The following TMEM163 variants were observed in gnomAD, a reference collection of about 807,000 sequenced individuals.
TMEM163 encodes the protein transmembrane protein 163.
In TMEM163, 17 loss-of-function variants were observed where a neutral mutation model predicts 29.3. That is an observed-to-expected ratio of 0.58 (90% CI 0.40 to 0.87). The LOEUF (loss-of-function observed/expected upper bound fraction) is 0.87. Ranked by LOEUF, TMEM163 falls within the 40% of genes least tolerant of loss-of-function variation. The probability of loss-of-function intolerance (pLI) is 0.00; values close to 1 mark genes in which losing one functional copy is unlikely to be tolerated. For missense variants in TMEM163, 303 were observed against 381.5 expected (o/e 0.79, Z 1.71); for synonymous variants, 157 against 160.6 (o/e 0.98, Z 0.17).
intron 2 of TMEM163, among the ~76,000 whole-genome samples, chr2:134,580,476 TCA>T (rs1315144799): frequency 6.6e-6 from 1 of 152,224 alleles, no homozygotes; most frequent in Non-Finnish European, 1.5e-5. Flanking sequence ...GTTCAAGAGC[TCA>T]CTGGCTTCCC....
intron 2 of TMEM163, among the ~76,000 whole-genome samples, chr2:134,629,037 T>C (rs1206778068): frequency 6.6e-6 from 1 of 152,244 alleles, no homozygotes; most frequent in African/African-American, 2.4e-5. Flanking sequence ...ACCTTACATC[T>C]TAAAAAGCTA....
At chr2:134,583,880 A>G (rs1681752635) in intron 2 of TMEM163, among the ~76,000 whole-genome samples, 1 of 152,218 alleles carries the variant, frequency 6.6e-6, no homozygotes, top group Middle Eastern at 3.4e-3. Flanking sequence ...ACATTATTGA[A>G]CGCATAACTG....
intron 2 of TMEM163, among the ~76,000 whole-genome samples, chr2:134,657,802 TC>T (rs1230956315): frequency 1.4e-5 from 2 of 145,204 alleles, no homozygotes; most frequent in Non-Finnish European, 3.0e-5. Context: ...AAACTCCATC[TC>T]AAAAATAAAA....
rs534247639 is a variant in TMEM163 at position 134,686,719 on chromosome 2, G to A, written c.322+26481C>T. 5.3e-5 allele frequency among the ~76,000 whole-genome samples: 8 copies of A among 152,340 alleles called. No homozygotes were observed. In the South Asian group the frequency reaches 1.7e-3, roughly 32 times the overall value. The stretch of plus-strand genomic sequence containing the variant: ...AAATTTGGAGGCGTGGAAGTGAAAA[G>A]CTGTGAAGGATCAGAGATTTTACCC... On this transcript the variant is annotated intron_variant, in intron 2 of 7. Coordinates refer to ENST00000281924, the MANE Select transcript of TMEM163 (RefSeq NM_030923.5).
intron 2 of TMEM163, among the ~76,000 whole-genome samples, chr2:134,552,984 G>A (rs1680966863): frequency 6.6e-6 from 1 of 152,174 alleles, no homozygotes; most frequent in Non-Finnish European, 1.5e-5. Flanking sequence ...TAAATTGGAG[G>A]ACGTCAATTG....
chr2:134,530,191 C>T (rs1385542404), intron 4 of TMEM163, among the ~76,000 whole-genome samples: 1 of 152,166 alleles, frequency 6.6e-6, no homozygotes, highest in Non-Finnish European at 1.5e-5. Context: ...CAGAAACAAC[C>T]CATCTTTCAC....
intron 2 of TMEM163, among the ~76,000 whole-genome samples, chr2:134,665,031 G>A (rs1395869784): frequency 6.6e-6 from 1 of 152,022 alleles, no homozygotes; most frequent in African/African-American, 2.4e-5. Flanking sequence ...GCACCACCAT[G>A]CCCAGCCTAA....
At chr2:134,649,198 A>G (rs2104846128) in intron 2 of TMEM163, among the ~76,000 whole-genome samples, 1 of 152,350 alleles carries the variant, frequency 6.6e-6, no homozygotes, top group Admixed American at 6.5e-5. Flanking sequence ...TATCAAACTC[A>G]CTAAAAAATC....
At chr2:134,619,965 C>T (rs1347353817) in intron 2 of TMEM163, among the ~76,000 whole-genome samples, 1 of 151,920 alleles carries the variant, frequency 6.6e-6, no homozygotes, top group Admixed American at 6.6e-5. Flanking sequence ...CACTTAGAAG[C>T]AAAATTAATA....
Position 134,574,079 on chromosome 2 carries a change from A to G in TMEM163, c.323-21988T>C, listed in dbSNP as rs1025720422. Among the ~76,000 whole-genome samples the G allele has an allele frequency of 1.2e-4, 19 of 152,250 alleles. 1 individual carries two copies. Among genetic ancestry groups the G allele is most frequent in the Admixed American group, 1.2e-3 (18 of 15,290 alleles). ...AAATTTTAGAAACCACTGTGAAAAC[A>G]CTGGGAAATCAAGATAGCAATTAGG... On this transcript the variant is annotated intron_variant, in intron 2 of 7. Coordinates refer to ENST00000281924, the MANE Select transcript of TMEM163 (RefSeq NM_030923.5).
chr2:134,554,718 C>G (rs1031902744), intron 2 of TMEM163, among the ~76,000 whole-genome samples: 1 of 152,126 alleles, frequency 6.6e-6, no homozygotes, highest in African/African-American at 2.4e-5. Context: ...GTGGGGTGTC[C>G]CCGACTCAAT....
intron 2 of TMEM163, among the ~76,000 whole-genome samples, chr2:134,596,025 T>TGG (rs1374126308): frequency 6.6e-6 from 1 of 152,256 alleles, no homozygotes; most frequent in Non-Finnish European, 1.5e-5. Context: ...CTTTGTCAGA[T>TGG]AAGTAGATTG....
intron 2 of TMEM163, among the ~76,000 whole-genome samples, chr2:134,585,704 T>A (rs974969746): frequency 1.3e-5 from 2 of 149,044 alleles, no homozygotes; most frequent in African/African-American, 5.0e-5. Context: ...ATCGCGCCAC[T>A]GCACTCCAGC....
chr2:134,638,491 T>C (rs960134485), intron 2 of TMEM163, among the ~76,000 whole-genome samples: 5 of 152,128 alleles, frequency 3.3e-5, no homozygotes, highest in African/African-American at 9.7e-5. Flanking sequence ...GAAATCTGGA[T>C]AGAAGAGTCA....
In TMEM163 at chr2:134,580,099, G is replaced by A. The variant is rs1369086483; in HGVS notation, c.323-28008C>T. On this transcript the variant is annotated intron_variant, in intron 2 of 7. Coordinates refer to ENST00000281924, the MANE Select transcript of TMEM163 (RefSeq NM_030923.5). ...TTCATCAAGCACTTCAATAAACAAA[G>A]CAGAAGTATTTTACCTGTCCAATTA... Among the ~76,000 whole-genome samples, 4 of 152,120 alleles carry A rather than the reference G, an allele frequency of 2.6e-5. No homozygotes were observed. The East Asian group carries it at 7.7e-4, about 29-fold the overall frequency.
chr2:134,574,422 C>T (rs1251204497), intron 2 of TMEM163, among the ~76,000 whole-genome samples: 1 of 151,906 alleles, frequency 6.6e-6, no homozygotes, highest in African/African-American at 2.4e-5. Flanking sequence ...TAGCCAGGTA[C>T]GGTGGCATGC....
chr2:134,505,320 AGCCTCT>A (rs1343601020), intron 4 of TMEM163, among the ~76,000 whole-genome samples: 1 of 149,530 alleles, frequency 6.7e-6, no homozygotes, highest in Non-Finnish European at 1.5e-5. Flanking sequence ...GGTGAGCCTA[AGCCTCT>A]GCATTTGTTT....
In TMEM163 at chr2:134,473,309, G is replaced by A. The variant is rs138087339; in HGVS notation, c.556-7084C>T. Among the ~76,000 whole-genome samples the A allele has an allele frequency of 2.3e-3, 354 of 152,262 alleles. 6 individuals carry two copies. The East Asian group carries it at 0.05, about 21-fold the overall frequency. On this transcript the variant is annotated intron_variant, in intron 5 of 7. Transcript: ENST00000281924. Reference sequence around the variant, plus strand: ...CCAGGACTTTGGGAGTCCGAGGCAGGTGGATCACTTGAGGTCAGGAGTTCG... The same window carrying A: ...CCAGGACTTTGGGAGTCCGAGGCAGATGGATCACTTGAGGTCAGGAGTTCG...
At chr2:134,466,289 A>G (rs1172687310) in intron 5 of TMEM163, 64 bp from the exon 6 acceptor site, 12 of 1,356,080 alleles carry the variant, frequency 8.8e-6, no homozygotes, top group Non-Finnish European at 1.1e-5. Context: ...TCTGCAACCC[A>G]CTTGCCTTAC....
Sources: gnomAD v4.1 joint callset for allele counts (sites outside exome capture counted in the v4.1 genomes callset) on GRCh38, gnomAD v4.1.1 for gene constraint, MANE v1.5 for transcripts, NCBI Gene and HGNC (gene_info 2026-07-23, HGNC 2026-07-21) for gene names.